Variants in IRAK2 observed in about 807,000 individuals in gnomAD.
IRAK2 encodes the protein interleukin-1 receptor-associated kinase-like 2.
A neutral mutation model predicts 72.0 loss-of-function variants in IRAK2; 57 were observed. The observed-to-expected ratio is 0.79, with a 90% confidence interval of 0.64 to 0.99. IRAK2 has a LOEUF of 0.99. Among genes scored for constraint, IRAK2 ranks in the 50% least tolerant of loss-of-function variants. The pLI is 0.00. For synonymous variants in IRAK2, 293 were observed against 312.7 expected (o/e 0.94, Z 0.67); for missense variants, 790 against 794.4 (o/e 0.99, Z 0.07).
chr3:10,231,806 C>T (rs140680177), intron 10 of IRAK2, among the ~76,000 whole-genome samples: 4 of 152,132 alleles, frequency 2.6e-5, no homozygotes, highest in Admixed American at 6.6e-5. Flanking sequence ...TGAACCACCA[C>T]GCCCGGGCAT....
chr3:10,205,192 G>A (rs1697416645), intron 3 of IRAK2, among the ~76,000 whole-genome samples: 1 of 152,010 alleles, frequency 6.6e-6, no homozygotes, highest in African/African-American at 2.4e-5. Flanking sequence ...TCCTCTCTCT[G>A]CCCTTGGACA....
chr3:10,178,897 GGCTCAAGTGTCCTCCT>G (rs1286060160), intron 2 of IRAK2, among the ~76,000 whole-genome samples: 1 of 152,032 alleles, frequency 6.6e-6, no homozygotes, highest in African/African-American at 2.4e-5. Flanking sequence ...TGATGTCCTG[GGCTCAAGTGTCCTCCT>G]GCCTCAACTT....
At chr3:10,199,823 G>A (rs565814222) in intron 2 of IRAK2, among the ~76,000 whole-genome samples, 28 of 151,454 alleles carry the variant, frequency 1.8e-4, no homozygotes, top group African/African-American at 5.8e-4. Flanking sequence ...GGAAGCAGGT[G>A]TATGTGACTT....
chr3:10,171,239 A>G (rs1021913872), intron 1 of IRAK2, among the ~76,000 whole-genome samples: 5 of 151,754 alleles, frequency 3.3e-5, no homozygotes, highest in African/African-American at 1.2e-4. Context: ...CGTCTCGTTC[A>G]CTCATGCGTG....
chr3:10,208,765 A>C (rs145500106), intron 3 of IRAK2, among the ~76,000 whole-genome samples: 2,899 of 151,772 alleles, frequency 0.019, 68 homozygotes, highest in East Asian at 0.076. Flanking sequence ...TCCATCTCAA[A>C]AAAAAAAAAG....
At chr3:10,207,002 C>T (rs1416872494) in intron 3 of IRAK2, among the ~76,000 whole-genome samples, 3 of 152,092 alleles carry the variant, frequency 2.0e-5, no homozygotes, top group Admixed American at 6.6e-5. Context: ...TACAGGCACT[C>T]GCCATCATGC....
At chr3:10,223,502 T>C (rs1486289904) in intron 9 of IRAK2, among the ~76,000 whole-genome samples, 2 of 152,202 alleles carry the variant, frequency 1.3e-5, no homozygotes, top group Non-Finnish European at 2.9e-5. Context: ...ACCTCTAGGA[T>C]TGATGTGTTA....
chr3:10,190,966 C>T (rs1333095098), intron 2 of IRAK2, among the ~76,000 whole-genome samples: 3 of 152,116 alleles, frequency 2.0e-5, no homozygotes, highest in African/African-American at 2.4e-5. Flanking sequence ...TTAAGTGCTT[C>T]GTCCAGGAAG....
chr3:10,200,655 G>T, intron 3 of IRAK2, 140 bp downstream of exon 3: 8 of 654,008 alleles, frequency 1.2e-5, no homozygotes, highest in Middle Eastern at 4.8e-4. Context: ...TCCCAGCTCC[G>T]TGAGGCTGAG....
At chr3:10,238,663 C>A in intron 11 of IRAK2, 85 bp from the exon 12 acceptor site, 1 of 1,304,020 alleles carries the variant, frequency 7.7e-7, no homozygotes, top group Non-Finnish European at 1.1e-6. Flanking sequence ...TGCTCCCCGC[C>A]CCCTCTCTGC....
At chr3:10,188,688 G>T (rs1232440297) in intron 2 of IRAK2, among the ~76,000 whole-genome samples, 1 of 152,156 alleles carries the variant, frequency 6.6e-6, no homozygotes, top group Non-Finnish European at 1.5e-5. Flanking sequence ...CACCACGCCC[G>T]GCTTATTTTG....
Position 10,230,006 on chromosome 3 carries a change from A to C in IRAK2, c.1272+3573A>C, listed in dbSNP as rs183373578. 7.2e-5 allele frequency among the ~76,000 whole-genome samples: 11 copies of C among 152,218 alleles called. No individual in the cohort carries two copies. The East Asian group carries it at 2.1e-3, about 29-fold the overall frequency. On this transcript the variant is annotated intron_variant, in intron 10 of 12. Coordinates refer to ENST00000256458, the MANE Select transcript of IRAK2 (RefSeq NM_001570.4). ...TCCCAGCTACTCAGGAGGCTGAAGC[A>C]GGAGAATCGCTTGAACCTGGGAGGC...
intron 1 of IRAK2, among the ~76,000 whole-genome samples, chr3:10,167,320 A>G (rs1320537833): frequency 2.6e-5 from 4 of 152,220 alleles, no homozygotes; most frequent in Non-Finnish European, 5.9e-5. Context: ...TGGACATTTC[A>G]TATAAATGGA....
At chr3:10,182,966 T>G (rs1045159346) in intron 2 of IRAK2, among the ~76,000 whole-genome samples, 2 of 152,010 alleles carry the variant, frequency 1.3e-5, no homozygotes, top group Non-Finnish European at 2.9e-5. Context: ...GAGATGGGGT[T>G]TCACCATGTT....
intron 4 of IRAK2, among the ~76,000 whole-genome samples, chr3:10,211,789 A>C (rs1019236009): frequency 2.0e-5 from 3 of 152,138 alleles, no homozygotes; most frequent in Admixed American, 1.3e-4. Flanking sequence ...AAAAAAATTG[A>C]AATTTAGGCC....
intron 1 of IRAK2, among the ~76,000 whole-genome samples, chr3:10,167,203 T>G (rs988681188): frequency 7.9e-5 from 12 of 152,204 alleles, no homozygotes; most frequent in African/African-American, 2.7e-4. Flanking sequence ...TGTATCCATC[T>G]TCACAATCAA....
chr3:10,165,753 C>G (rs1719579), intron 1 of IRAK2, among the ~76,000 whole-genome samples: 2 of 101,870 alleles, frequency 2.0e-5, no homozygotes, highest in Non-Finnish European at 3.7e-5. Context: ...TTTTTTAAGA[C>G]GGAGTCTCAC....
Position 10,165,003 on chromosome 3 carries a change from T to C in IRAK2, c.49T>C (p.Cys17Arg). Residue 17 changes from cysteine to arginine, a missense_variant, in exon 1 of 13, where the codon TGC (cysteine) becomes CGC (arginine). By Grantham distance (180) the Cys-to-Arg change is radical. Transcript: ENST00000256458. ...QLPSWVLDDL[C>R]RNMDALSEWD... ...GCCCTCCTGGGTGCTGGACGACCTG[T>C]GCCGCAACATGGACGCGCTCAGCGA... is the stretch of plus-strand genomic sequence containing the variant. The C allele has an allele frequency of 2.5e-6, 4 of 1,611,750 alleles. No individual in the cohort carries two copies. The highest frequency in any genetic ancestry group is 2.5e-6 in the Non-Finnish European group (3 of 1,179,608).
At chr3:10,212,106 G>A (rs1197351191) in intron 4 of IRAK2, among the ~76,000 whole-genome samples, 2 of 151,336 alleles carry the variant, frequency 1.3e-5, no homozygotes, top group Admixed American at 1.3e-4. Flanking sequence ...TTACGTACAT[G>A]TGTTTTAAAG....
Sources: allele counts gnomAD v4.1 joint callset (sites outside exome capture counted in the v4.1 genomes callset), GRCh38; gene constraint gnomAD v4.1.1; transcripts MANE v1.5; gene names NCBI Gene and HGNC (gene_info 2026-07-23, HGNC 2026-07-21).